Variants in RNF6 observed in about 807,000 individuals in gnomAD.
RNF6 encodes E3 ubiquitin-protein ligase RNF6.
In RNF6, 21 loss-of-function variants were observed where a neutral mutation model predicts 50.1. The ratio of observed to expected loss-of-function variants is 0.42; its 90% CI spans 0.30 to 0.60. The LOEUF (loss-of-function observed/expected upper bound fraction) is 0.60, where lower values mean the gene tolerates loss of function less well. Ranked by LOEUF, RNF6 falls within the 20% of genes least tolerant of loss-of-function variation. The probability of loss-of-function intolerance (pLI) is 0.20; values close to 1 mark genes in which losing one functional copy is unlikely to be tolerated. For missense variants in RNF6, 698 were observed against 838.2 expected, an observed-to-expected ratio of 0.83 and a Z score of 2.07; for synonymous variants, 255 against 291.8, an observed-to-expected ratio of 0.87 and a Z score of 1.29.
At chr13:26,177,037 G>A (rs930073903) in intron 5 of RNF6, among the ~76,000 whole-genome samples, 1 of 152,192 alleles carries the variant, frequency 6.6e-6, no homozygotes, top group African/African-American at 2.4e-5. Flanking sequence ...AGACTGATGG[G>A]TCTACAAGCC....
At chr13:26,197,596 C>CTCCT in intron 5 of RNF6, among the ~76,000 whole-genome samples, 1 of 152,004 alleles carries the variant, frequency 6.6e-6, no homozygotes, top group Middle Eastern at 3.4e-3. Flanking sequence ...TCCCTCCCTA[C>CTCCT]TCCTTCTCAT....
At chr13:26,163,945 A>C (rs1161801092) in intron 5 of RNF6, among the ~76,000 whole-genome samples, 2 of 152,336 alleles carry the variant, frequency 1.3e-5, no homozygotes, top group Non-Finnish European at 2.9e-5. Flanking sequence ...ATGAGTTTCA[A>C]ATATTTTTCA....
intron 5 of RNF6, among the ~76,000 whole-genome samples, chr13:26,175,327 T>C (rs1872903190): frequency 6.6e-6 from 1 of 152,202 alleles, no homozygotes; most frequent in African/African-American, 2.4e-5. Context: ...GTGATCTGCC[T>C]GCCTCGGGCC....
intron 5 of RNF6, among the ~76,000 whole-genome samples, chr13:26,136,573 G>A (rs1242634371): frequency 6.6e-6 from 1 of 152,146 alleles, no homozygotes; most frequent in Admixed American, 6.5e-5. Context: ...TGGAGGAAAA[G>A]CCACAAAGAA....
At chr13:26,179,255 C>T (rs1394100588) in intron 5 of RNF6, among the ~76,000 whole-genome samples, 1 of 152,124 alleles carries the variant, frequency 6.6e-6, no homozygotes, top group Non-Finnish European at 1.5e-5. Flanking sequence ...ATCTAGTCGA[C>T]GAGACAGACA....
chr13:26,206,526 A>G (rs1037056228), intron 5 of RNF6, among the ~76,000 whole-genome samples: 1 of 152,170 alleles, frequency 6.6e-6, no homozygotes, highest in Non-Finnish European at 1.5e-5. Context: ...CTGCACTTGA[A>G]TAGTATTTCA....
intron 5 of RNF6, among the ~76,000 whole-genome samples, chr13:26,138,540 A>T (rs1870767259): frequency 6.6e-6 from 1 of 152,146 alleles, no homozygotes; most frequent in African/African-American, 2.4e-5. Flanking sequence ...AATAATTATA[A>T]ATCAGTGTTC....
intron 5 of RNF6, among the ~76,000 whole-genome samples, chr13:26,193,468 T>A (rs1427206032): frequency 6.6e-6 from 1 of 152,170 alleles, no homozygotes; most frequent in East Asian, 1.9e-4. Context: ...AGCCAAAGGA[T>A]TTAGAAACCT....
intron 5 of RNF6, among the ~76,000 whole-genome samples, chr13:26,156,171 G>C (rs998944859): frequency 1.3e-5 from 2 of 152,158 alleles, no homozygotes; most frequent in East Asian, 3.8e-4. Flanking sequence ...AAATGTAGAG[G>C]AGGCAAATTA....
intron 5 of RNF6, among the ~76,000 whole-genome samples, chr13:26,147,628 C>G (rs998029458): frequency 1.3e-5 from 2 of 152,150 alleles, no homozygotes; most frequent in Non-Finnish European, 2.9e-5. Context: ...ATCCTCATCC[C>G]AACTTTTAGG....
At chr13:26,137,092 T>C (rs1870681888) in intron 5 of RNF6, among the ~76,000 whole-genome samples, 1 of 152,088 alleles carries the variant, frequency 6.6e-6, no homozygotes, top group African/African-American at 2.4e-5. Context: ...TTCCCAAAGA[T>C]CCATTACTGG....
rs1191880261 is a variant in RNF6, at chr13:26,157,507, T to C, written n.769-25056A>G. Among the ~76,000 whole-genome samples, 6 of 152,160 alleles carry C rather than the reference T, an allele frequency of 3.9e-5. No individual in the cohort carries two copies. The East Asian group carries it at 9.7e-4, about 24-fold the overall frequency. On this transcript the variant is annotated intron_variant and non_coding_transcript_variant, in intron 5 of 5. Coordinates refer to the RNF6 transcript ENST00000468480. ...TTGAAAAAGGTGTTATTATCTCTAG[T>C]ATACAAAAAGTCTTTAAAAATTATT...
intron 5 of RNF6, among the ~76,000 whole-genome samples, chr13:26,165,049 G>T (rs535958092): frequency 6.6e-6 from 1 of 152,298 alleles, no homozygotes; most frequent in South Asian, 2.1e-4. Context: ...CCCATCATAA[G>T]CCTGGAGGCC....
chr13:26,157,208 G>A (rs954408554), intron 5 of RNF6, among the ~76,000 whole-genome samples: 1 of 151,614 alleles, frequency 6.6e-6, no homozygotes, highest in Non-Finnish European at 1.5e-5. Context: ...CTTTAAATTG[G>A]GCAAATTAAA....
At chr13:26,159,437 A>G (rs940203744) in intron 5 of RNF6, among the ~76,000 whole-genome samples, 2 of 152,086 alleles carry the variant, frequency 1.3e-5, no homozygotes, top group African/African-American at 4.8e-5. Context: ...ATCCTGGATA[A>G]CACGGTGAAA....
intron 5 of RNF6, among the ~76,000 whole-genome samples, chr13:26,187,826 C>T (rs1404820707): frequency 6.6e-6 from 1 of 152,172 alleles, no homozygotes; most frequent in African/African-American, 2.4e-5. Flanking sequence ...TGGGCTTAAG[C>T]AGTCCTCCTG....
At chr13:26,144,352 T>C (rs1871122068) in intron 5 of RNF6, among the ~76,000 whole-genome samples, 1 of 150,548 alleles carries the variant, frequency 6.6e-6, no homozygotes, top group Non-Finnish European at 1.5e-5. Context: ...AGGTGACCCC[T>C]TGGTAAGCAT....
At chr13:26,217,564 T>C (rs2137778486) in intron 4 of RNF6, among the ~76,000 whole-genome samples, 1 of 152,332 alleles carries the variant, frequency 6.6e-6, no homozygotes, top group East Asian at 1.9e-4. Context: ...AGAACCTAGA[T>C]ATGGTTGCGA....
At chr13:26,172,140 C>G (rs1042577438) in intron 5 of RNF6, among the ~76,000 whole-genome samples, 10 of 152,210 alleles carry the variant, frequency 6.6e-5, no homozygotes, top group Non-Finnish European at 1.3e-4. Context: ...TGACTAGGGA[C>G]AGAAAAATAC....
Sources: gnomAD v4.1 joint callset for allele counts (sites outside exome capture counted in the v4.1 genomes callset) on GRCh38, gnomAD v4.1.1 for gene constraint, MANE v1.5 for transcripts, NCBI Gene and HGNC (gene_info 2026-07-23, HGNC 2026-07-21) for gene names.